NRG3: variants seen among roughly 807,000 people sequenced by gnomAD.
NRG3 encodes pro-neuregulin-3, membrane-bound isoform.
Under a neutral mutation model 66.9 loss-of-function variants are expected in NRG3, and 31 were observed. The observed-to-expected ratio is 0.46, with a 90% CI of 0.35 to 0.63. NRG3 has a LOEUF of 0.63. Among genes scored for constraint, NRG3 ranks in the 20% least tolerant of loss-of-function variants. NRG3 has a pLI of 0.00. For synonymous variants in NRG3, 393 were observed against 359.4 expected (o/e 1.09, Z -1.06); for missense variants, 910 against 878.9 (o/e 1.04, Z -0.45).
At chr10:82,489,169 A>G (rs2132228849) in intron 2 of NRG3, among the ~76,000 whole-genome samples, 1 of 152,300 alleles carries the variant, frequency 6.6e-6, no homozygotes, top group South Asian at 2.1e-4. Flanking sequence ...AGTGTGATTA[A>G]AATTGGATGT....
chr10:82,281,731 G>T lies in NRG3; in HGVS notation c.824-77008G>T, dbSNP rs181447940. Among the ~76,000 whole-genome samples the T allele has an allele frequency of 4.6e-5, 7 of 152,250 alleles. No homozygotes were observed. In the East Asian group the frequency reaches 1.4e-3, roughly 29 times the overall value. On this transcript the variant is annotated intron_variant, in intron 1 of 8. Transcript: ENST00000372141. ...ATATGGCCAGATATGAGAATCAAGG[G>T]AGGGCAGAGGAAGATGGAGAGAGTG...
At chr10:81,952,981 C>T (rs529415739) in intron 1 of NRG3, among the ~76,000 whole-genome samples, 1 of 152,216 alleles carries the variant, frequency 6.6e-6, no homozygotes, top group South Asian at 2.1e-4. Context: ...GTTTGTCTCT[C>T]TGGCCTCATC....
At chr10:82,526,276 A>G (rs1481650108) in intron 2 of NRG3, among the ~76,000 whole-genome samples, 1 of 151,842 alleles carries the variant, frequency 6.6e-6, no homozygotes, top group Non-Finnish European at 1.5e-5. Flanking sequence ...AATAAAATTT[A>G]TTTTAAAAAT....
chr10:81,952,802 G>T (rs1849499671), intron 1 of NRG3, among the ~76,000 whole-genome samples: 1 of 151,882 alleles, frequency 6.6e-6, no homozygotes, highest in South Asian at 2.1e-4. Flanking sequence ...GTAGAGAAGA[G>T]ATCTTGCTAT....
intron 1 of NRG3, among the ~76,000 whole-genome samples, chr10:81,883,322 A>C (rs192707934): frequency 9.8e-5 from 15 of 152,310 alleles, no homozygotes; most frequent in Non-Finnish European, 1.8e-4. Context: ...TCTCATCCTG[A>C]ATTATATCTT....
chr10:82,372,756 G>A (rs2084967552), intron 2 of NRG3, among the ~76,000 whole-genome samples: 1 of 152,076 alleles, frequency 6.6e-6, no homozygotes, highest in Admixed American at 6.6e-5. Flanking sequence ...ACCATGCTCA[G>A]CTAATTGTAG....
intron 1 of NRG3, among the ~76,000 whole-genome samples, chr10:81,900,953 T>C (rs1844010669): frequency 6.6e-6 from 1 of 152,196 alleles, no homozygotes; most frequent in Admixed American, 6.5e-5. Flanking sequence ...TTCATAAGTA[T>C]TTCAGTGATA....
intron 2 of NRG3, among the ~76,000 whole-genome samples, chr10:82,536,071 G>A (rs953688654): frequency 1.3e-5 from 2 of 152,156 alleles, no homozygotes; most frequent in African/African-American, 2.4e-5. Context: ...TATTTTAGCC[G>A]CTGGGTGTGG....
intron 3 of NRG3, among the ~76,000 whole-genome samples, chr10:82,740,587 C>T (rs1210099879): frequency 6.6e-6 from 1 of 152,014 alleles, no homozygotes. Context: ...AAACCCAGCA[C>T]TTTGGGAGGC....
In NRG3 at chr10:82,986,426, G is replaced by A. The variant is rs1037800623; in HGVS notation, c.*821G>A. The A allele has an allele frequency of 6.6e-6, 1 of 152,174 alleles. No homozygotes were observed. Among genetic ancestry groups the A allele is most frequent in the African/African-American group, 2.4e-5 (1 of 41,434 alleles). The allele number at this position is 152,174 out of a possible 1,614,324, so 9.4% of individuals were successfully genotyped here. A position where few individuals can be genotyped will look rare whatever the true frequency, so the allele number is the denominator to read the frequency against. On this transcript the variant is annotated 3_prime_UTR_variant, in exon 9 of 9. Transcript: ENST00000372141. The stretch of plus-strand genomic sequence containing the variant: ...TGGACTTGCTCACGCGGGCACATAT[G>A]CTGTAAGCACATGTGTTCATTGTGC...
At chr10:82,853,567 A>G (rs2063665578) in intron 3 of NRG3, among the ~76,000 whole-genome samples, 1 of 151,942 alleles carries the variant, frequency 6.6e-6, no homozygotes, top group Non-Finnish European at 1.5e-5. Context: ...TGGCTCTTGT[A>G]AAAGGGGTTG....
chr10:82,232,644 AT>A, intron 1 of NRG3: 1 of 632,854 alleles, frequency 1.6e-6, no homozygotes, highest in South Asian at 1.9e-5. Flanking sequence ...TTTGTCAGAA[AT>A]TTTGTTTTGT....
chr10:82,636,281 GGT>G (rs2050193761), intron 2 of NRG3, among the ~76,000 whole-genome samples: 1 of 151,498 alleles, frequency 6.6e-6, no homozygotes, highest in African/African-American at 2.4e-5. Flanking sequence ...ACAGGCATGC[GGT>G]GTGTGTGCAT....
At chr10:82,946,973 T>A (rs1372037455) in intron 4 of NRG3, among the ~76,000 whole-genome samples, 3 of 152,134 alleles carry the variant, frequency 2.0e-5, no homozygotes, top group Non-Finnish European at 4.4e-5. Context: ...TGACATAAGA[T>A]AAGCCACCTG....
chr10:82,092,930 G>A (rs1045746241), intron 1 of NRG3, among the ~76,000 whole-genome samples: 1 of 152,120 alleles, frequency 6.6e-6, no homozygotes, highest in Non-Finnish European at 1.5e-5. Context: ...AACATGAAGT[G>A]CATATTACTT....
chr10:82,244,380 G>A (rs2077140312), intron 1 of NRG3, among the ~76,000 whole-genome samples: 1 of 152,156 alleles, frequency 6.6e-6, no homozygotes, highest in African/African-American at 2.4e-5. Flanking sequence ...AGAAAGATGA[G>A]GGAGTGAGCA....
chr10:82,745,916 G>A (rs2058622681), intron 3 of NRG3, among the ~76,000 whole-genome samples: 1 of 152,244 alleles, frequency 6.6e-6, no homozygotes, highest in East Asian at 1.9e-4. Flanking sequence ...TTTAGAGGCA[G>A]GGTCTTGCTC....
At chr10:82,559,994 C>T (rs970469618) in intron 2 of NRG3, among the ~76,000 whole-genome samples, 7 of 151,802 alleles carry the variant, frequency 4.6e-5, no homozygotes, top group African/African-American at 1.7e-4. Flanking sequence ...AGTTGTAACA[C>T]TTCCATTTTC....
intron 3 of NRG3, among the ~76,000 whole-genome samples, chr10:82,750,814 A>AT (rs1056091479): frequency 2.6e-5 from 4 of 152,054 alleles, no homozygotes; most frequent in Admixed American, 2.6e-4. Context: ...TTTAATATTT[A>AT]TTTTACTTTA....
Sources: gnomAD v4.1 joint callset for allele counts (sites outside exome capture counted in the v4.1 genomes callset) on GRCh38, gnomAD v4.1.1 for gene constraint, MANE v1.5 for transcripts, NCBI Gene and HGNC (gene_info 2026-07-23, HGNC 2026-07-21) for gene names.